The following AFP variants were observed in gnomAD, a reference collection of about 807,000 sequenced individuals.
AFP encodes alpha fetoprotein.
In AFP, 64 loss-of-function variants were observed where a neutral mutation model predicts 78.9. That is an observed-to-expected ratio of 0.81 (90% CI 0.66 to 1.00). The LOEUF (loss-of-function observed/expected upper bound fraction) is 1.00, where lower values mean the gene tolerates loss of function less well. AFP is among the 50% of genes least tolerant of loss of function. The pLI, the probability that AFP is intolerant of heterozygous loss-of-function variation, is 0.00. For missense variants in AFP, 689 were observed against 703.8 expected (o/e 0.98, Z 0.24); for synonymous variants, 254 against 243.8 (o/e 1.04, Z -0.39).
chr4:73,455,539 C>A, intron 14 of AFP, 92 bp from the exon 15 acceptor site: 1 of 653,372 alleles, frequency 1.5e-6, no homozygotes. Context: ...TCCTACGTAT[C>A]CAATATTTCT....
intron 11 of AFP, 125 bp downstream of exon 11, chr4:73,450,878 A>G (rs1196280554): frequency 3.3e-6 from 5 of 1,507,556 alleles, no homozygotes; most frequent in Non-Finnish European, 4.6e-6. Context: ...GGCTTGTTTG[A>G]TTAGTCACGG....
chr4:73,436,498 T>A (rs3796676), intron 1 of AFP, 151 bp downstream of exon 1: 250,755 of 550,668 alleles, frequency 0.46, 58,564 homozygotes, highest in Admixed American at 0.55. Context: ...AAATGAAAGA[T>A]AAACTTGTAA....
chr4:73,451,620 C>A (rs755483940), intron 11 of AFP, among the ~76,000 whole-genome samples: 1 of 152,168 alleles, frequency 6.6e-6, no homozygotes. Context: ...GGCCACCAGC[C>A]AACAACCGCA....
At chr4:73,449,013 C>T (rs1475981053) in intron 8 of AFP, among the ~76,000 whole-genome samples, 1 of 152,012 alleles carries the variant, frequency 6.6e-6, no homozygotes, top group Non-Finnish European at 1.5e-5. Flanking sequence ...ATCATTGAGT[C>T]CGTTCTGCTT....
Position 73,438,288 on chromosome 4 carries a change from A to G in AFP, c.252A>G (p.Ser84=), listed in dbSNP as rs1250207782. The G allele has an allele frequency of 6.2e-7, 1 of 1,613,144 alleles. No homozygotes were observed. The highest frequency in any genetic ancestry group is 8.5e-7 in the Non-Finnish European group (1 of 1,179,350). The change falls in exon 3 of 15, where the codon TCA becomes TCG. Residue 84 remains serine (S), a synonymous_variant. Transcript: ENST00000395792. ...IEKPTGDEQS[S]GCLENQLPAF... ...AACCCACTGGAGATGAACAGTCTTCAGGGTGTTTAGAAAACCAGGTGAGTG... is the reference window on the plus strand; with the variant it reads ...AACCCACTGGAGATGAACAGTCTTCGGGGTGTTTAGAAAACCAGGTGAGTG...
At chr4:73,437,407 T>G (rs570258372) in intron 2 of AFP, among the ~76,000 whole-genome samples, 196 bp downstream of exon 2, 3 of 152,180 alleles carry the variant, frequency 2.0e-5, no homozygotes, top group African/African-American at 7.2e-5. Context: ...GACATTGACC[T>G]TTTGATTCCT....
intron 2 of AFP, 88 bp from the exon 3 acceptor site, chr4:73,438,086 C>T: frequency 6.4e-7 from 1 of 1,557,622 alleles, no homozygotes; most frequent in Non-Finnish European, 8.8e-7. Context: ...AAATAGAAAA[C>T]AAAACAAACA....
intron 11 of AFP, 23 bp downstream of exon 11, chr4:73,450,776 C>G: frequency 1.9e-6 from 3 of 1,613,464 alleles, no homozygotes; most frequent in South Asian, 1.1e-5. Flanking sequence ...TTGGTTTGGT[C>G]CCATCTCATT....
chr4:73,453,551 C>A, intron 12 of AFP: 2 of 565,220 alleles, frequency 3.5e-6, no homozygotes, highest in Non-Finnish European at 6.3e-6. Context: ...GTGTTTTATC[C>A]ACAACCTGCA....
At chr4:73,454,395 C>T (rs962430061) in intron 13 of AFP, among the ~76,000 whole-genome samples, 1 of 151,952 alleles carries the variant, frequency 6.6e-6, no homozygotes, top group Non-Finnish European at 1.5e-5. Context: ...GCCAGATTTT[C>T]TTTAACCAGG....
At chr4:73,444,877 C>T in intron 6 of AFP, 116 bp from the exon 7 acceptor site, 1 of 928,680 alleles carries the variant, frequency 1.1e-6, no homozygotes, top group South Asian at 1.8e-5. Flanking sequence ...TTTTAAACAA[C>T]AAGGGAATTT....
chr4:73,447,471 A>G lies in AFP; in HGVS notation c.853A>G (p.Met285Val), dbSNP rs995789230. The G allele has an allele frequency of 2.5e-6, 4 of 1,605,206 alleles. No individual in the cohort carries two copies. Among genetic ancestry groups the G allele is most frequent in the South Asian group, 1.1e-5 (1 of 89,798 alleles). ...ATTTTCTCTGTTGCAGGAAAAAATC[A>G]TGTCCTACATATGTTCTCAACAAGA... ...LDCLQDGEKI[M>V]SYICSQQDTL... is the part of the protein sequence containing the mutation. Residue 285 changes from methionine to valine, a missense_variant, in exon 8 of 15, where the codon ATG becomes GTG. Physicochemically the swap from Met to Val is conservative, Grantham distance 21. Coordinates refer to ENST00000395792, the MANE Select transcript of AFP (RefSeq NM_001134.3).
intron 4 of AFP, among the ~76,000 whole-genome samples, chr4:73,441,960 G>T (rs1004182012): frequency 7.9e-5 from 12 of 152,134 alleles, no homozygotes; most frequent in Admixed American, 1.3e-4. Context: ...CAGAAGTCTG[G>T]CTTTGCTGAT....
At position 73,445,073 on chromosome 4, in the gene AFP, T is replaced by G. The variant is rs764257723; in HGVS notation, c.794T>G (p.Val265Gly). 1 of 1,613,940 alleles carries G rather than the reference T, an allele frequency of 6.2e-7. No homozygotes were observed. The highest frequency in any genetic ancestry group is 8.5e-7 in the Non-Finnish European group (1 of 1,179,910). The change falls in exon 7 of 15, where the codon GTA becomes GGA. Residue 265 changes from valine (V) to glycine (G), a missense_variant. Coordinates refer to ENST00000395792, the MANE Select transcript of AFP (RefSeq NM_001134.3). Reference protein sequence around the residue: ...IQKLVLDVAHVHEHCCRGDVL... With the variant: ...IQKLVLDVAHGHEHCCRGDVL... Reference sequence around the variant, plus strand: ...AAACTAGTCCTGGATGTGGCCCATGTACATGAGCACTGTTGCAGAGGAGAT... The same window carrying G: ...AAACTAGTCCTGGATGTGGCCCATGGACATGAGCACTGTTGCAGAGGAGAT...
In AFP at chr4:73,436,321, C is replaced by A. The variant is rs1719503717; in HGVS notation, c.59C>A (p.Thr20Lys). ...IFLLNFTESR[T>K]LHRNEYGIAS... ...CTACTAAATTTTACTGAATCCAGAA[C>A]ACTGCATAGAAATGAATATGGAATA... The change falls in exon 1 of 15, where the codon ACA (threonine) becomes AAA (lysine). Residue 20 changes from threonine to lysine, a missense_variant. Transcript: ENST00000395792. 3 of 1,597,922 alleles carry A rather than the reference C, an allele frequency of 1.9e-6. No individual in the cohort carries two copies. The highest frequency in any genetic ancestry group is 2.7e-5 in the African/African-American group (2 of 74,540).
In AFP at chr4:73,453,824, T is replaced by C; in HGVS notation, c.1712T>C (p.Val571Ala). The change falls in exon 13 of 15, where the codon GTC (valine) becomes GCC (alanine). Residue 571 changes from valine (V) to alanine (A), a missense_variant. Val to Ala is a moderately conservative substitution (Grantham distance 64). Coordinates refer to ENST00000395792, the MANE Select transcript of AFP (RefSeq NM_001134.3). The stretch of plus-strand genomic sequence containing the variant: ...ATAACAGAGGAACAACTTGAGGCTG[T>C]CATTGCAGATTTCTCAGGCCTGTTG... ...PQITEEQLEA[V>A]IADFSGLLEK... 1 of 1,613,838 alleles carries C rather than the reference T, an allele frequency of 6.2e-7. No homozygotes were observed. The highest frequency in any genetic ancestry group is 1.1e-5 in the South Asian group (1 of 91,080).
Position 73,440,623 on chromosome 4 carries a change from CT to C in AFP, c.295del (p.Cys99AlafsTer61). The C allele has an allele frequency of 2.5e-6, 4 of 1,614,116 alleles. No homozygotes were observed. The highest frequency in any genetic ancestry group is 3.4e-6 in the Non-Finnish European group (4 of 1,179,976). On this transcript the variant is annotated frameshift_variant, in exon 4 of 15. Transcript: ENST00000395792. LOFTEE classifies it high-confidence loss of function. ...ENQLPAFLEE[L>X]CHEKEILEKY... The stretch of plus-strand genomic sequence containing the variant: ...ATAGCTACCTGCCTTTCTGGAAGAA[CT>C]TTGCCATGAGAAAGAAATTTTGGAG...
chr4:73,447,932 C>T (rs757944111), intron 8 of AFP, among the ~76,000 whole-genome samples: 10 of 152,088 alleles, frequency 6.6e-5, no homozygotes, highest in Non-Finnish European at 1.5e-4. Context: ...TTTTATTTCA[C>T]ATCAATTTCT....
At chr4:73,450,822 C>T in intron 11 of AFP, 69 bp downstream of exon 11, 1 of 1,609,876 alleles carries the variant, frequency 6.2e-7, no homozygotes, top group African/African-American at 1.3e-5. Flanking sequence ...CTCATAATTC[C>T]CCTCTAGGGA....
Sources: gnomAD v4.1 joint callset for allele counts (sites outside exome capture counted in the v4.1 genomes callset) on GRCh38, gnomAD v4.1.1 for gene constraint, MANE v1.5 for transcripts, NCBI Gene and HGNC (gene_info 2026-07-23, HGNC 2026-07-21) for gene names.